CCBE1: variants seen among roughly 807,000 people sequenced by gnomAD.
CCBE1 encodes the protein collagen and calcium-binding EGF domain-containing protein 1.
A neutral mutation model predicts 50.0 loss-of-function variants in CCBE1; 37 were observed. The ratio of observed to expected loss-of-function variants is 0.74; its 90% CI spans 0.57 to 0.97. CCBE1 has a LOEUF of 0.97. Ranked by LOEUF, CCBE1 falls within the 50% of genes least tolerant of loss-of-function variation. The probability of loss-of-function intolerance (pLI) is 0.00; values close to 1 mark genes in which losing one functional copy is unlikely to be tolerated. For synonymous variants in CCBE1, 234 were observed against 203.7 expected (o/e 1.15, Z -1.27); for missense variants, 538 against 523.8 (o/e 1.03, Z -0.26).
At chr18:59,576,728 T>C (rs1202285364) in intron 2 of CCBE1, among the ~76,000 whole-genome samples, 1 of 152,200 alleles carries the variant, frequency 6.6e-6, no homozygotes, top group Non-Finnish European at 1.5e-5. Context: ...CCTCCAATGC[T>C]TCTGTCTTGG....
intron 2 of CCBE1, among the ~76,000 whole-genome samples, chr18:59,636,068 G>T (rs1004823199): frequency 1.3e-5 from 2 of 151,936 alleles, no homozygotes; most frequent in Admixed American, 1.3e-4. Context: ...GAGGAGAATC[G>T]TTTGAGCCCA....
intron 2 of CCBE1, among the ~76,000 whole-genome samples, chr18:59,527,243 T>A (rs971747426): frequency 1.3e-5 from 2 of 152,226 alleles, no homozygotes; most frequent in Non-Finnish European, 2.9e-5. Flanking sequence ...CCCTTTACCA[T>A]TATGTAATGC....
intron 2 of CCBE1, among the ~76,000 whole-genome samples, chr18:59,613,714 C>T (rs994274463): frequency 2.6e-5 from 4 of 151,596 alleles, no homozygotes; most frequent in African/African-American, 7.3e-5. Context: ...GCCTGGGCAA[C>T]ATAGTGAGAC....
At chr18:59,502,463 A>AAGCTAT (rs1555684568) in intron 2 of CCBE1, among the ~76,000 whole-genome samples, 3 of 151,224 alleles carry the variant, frequency 2.0e-5, no homozygotes, top group Non-Finnish European at 4.4e-5. Context: ...AGGGAGGAAC[A>AAGCTAT]GGTATCCATT....
Position 59,448,095 on chromosome 18 carries a change from C to A in CCBE1, c.663G>T (p.Leu221=). ...CCAGGTCAGCTGCATTGTTGGGGAG[C>A]AGAGCAATCTGCAAGGAGAAGAGGA... ...TVLQLKQKIA[L]LPNNAADLGK... is the part of the protein sequence containing the mutation. The change falls in exon 7 of 11, where the codon CTG becomes CTT. Residue 221 remains leucine, a synonymous_variant. Coordinates refer to ENST00000439986, the MANE Select transcript of CCBE1 (RefSeq NM_133459.4). 1 of 1,613,826 alleles carries A rather than the reference C, an allele frequency of 6.2e-7. No homozygotes were observed. The highest frequency in any genetic ancestry group is 8.5e-7 in the Non-Finnish European group (1 of 1,180,010).
chr18:59,642,948 CAAAA>C (rs10683687), intron 2 of CCBE1, among the ~76,000 whole-genome samples: 3 of 94,192 alleles, frequency 3.2e-5, no homozygotes, highest in African/African-American at 8.3e-5. Flanking sequence ...GACTCCACCT[CAAAA>C]AAAAAAAAAA....
intron 2 of CCBE1, among the ~76,000 whole-genome samples, chr18:59,617,130 T>C (rs1408828244): frequency 3.3e-5 from 5 of 152,142 alleles, no homozygotes; most frequent in Non-Finnish European, 7.3e-5. Flanking sequence ...ACTATACCAG[T>C]GTACAGTACA....
Position 59,438,161 on chromosome 18 carries a change from GC to G in CCBE1, c.952-16del. On this transcript the variant is annotated splice_polypyrimidine_tract_variant and intron_variant, in intron 9 of 10. Transcript: ENST00000439986. The stretch of plus-strand genomic sequence containing the variant: ...CCTCTCTCCCCCTAAAAACAGAAAG[GC>G]CAGGGTTAGCTTTCTAGAGCACATG... The G allele has an allele frequency of 6.2e-7, 1 of 1,613,802 alleles. No individual in the cohort carries two copies.
chr18:59,531,601 A>T (rs887679179), intron 2 of CCBE1, among the ~76,000 whole-genome samples: 2 of 152,206 alleles, frequency 1.3e-5, no homozygotes, highest in African/African-American at 4.8e-5. Context: ...TTTAAAAATT[A>T]GCTTGGCATG....
chr18:59,448,165 T>C, intron 6 of CCBE1, 62 bp from the exon 7 acceptor site: 1 of 1,607,912 alleles, frequency 6.2e-7, no homozygotes, highest in Non-Finnish European at 8.5e-7. Context: ...TCGGCATTTG[T>C]CTTGGTGGGA....
At chr18:59,692,920 AAC>A (rs1318864038) in intron 2 of CCBE1, among the ~76,000 whole-genome samples, 4 of 150,978 alleles carry the variant, frequency 2.6e-5, no homozygotes, top group African/African-American at 4.9e-5. Flanking sequence ...AAAAGCATTT[AAC>A]ACACAGTTAA....
In CCBE1 at chr18:59,469,586, G is replaced by A. The variant is rs149792489; in HGVS notation, c.287C>T (p.Ala96Val). ...IPEDYDVCAE[A>V]PCEQQCTDNF... ...GTCCGTGCACTGCTGTTCACAGGGAGCCTCGGCACAAACGTCGTAATCTGA... is the reference window on the plus strand; with the variant it reads ...GTCCGTGCACTGCTGTTCACAGGGAACCTCGGCACAAACGTCGTAATCTGA... The change falls in exon 4 of 11, where the codon GCT (alanine) becomes GTT (valine). Residue 96 changes from alanine (A) to valine (V), a missense_variant. Coordinates refer to ENST00000439986, the MANE Select transcript of CCBE1 (RefSeq NM_133459.4). 6.2e-7 allele frequency: 1 copy of A among 1,614,168 alleles called. No homozygotes were observed. Among genetic ancestry groups the A allele is most frequent in the African/African-American group, 1.3e-5 (1 of 75,050 alleles).
intron 3 of CCBE1, among the ~76,000 whole-genome samples, chr18:59,479,214 C>T (rs557829976): frequency 1.3e-5 from 2 of 152,318 alleles, no homozygotes; most frequent in South Asian, 4.1e-4. Flanking sequence ...ACCTCATGCC[C>T]TTCAAACAAA....
rs1364853075 is a variant in CCBE1 at position 59,434,266 on chromosome 18, A to C, written c.*1642T>G. The C allele has an allele frequency of 6.6e-6, 1 of 152,272 alleles. No homozygotes were observed. The highest frequency in any genetic ancestry group is 2.4e-5 in the African/African-American group (1 of 41,458). 9.4% of individuals were successfully genotyped at this position (152,272 alleles called of 1,614,324 possible). ...GCTAAAAGGTGGAGGCAAAAAAGCCAAAAAGAAATGGGAAAGGACATGGCA... is the reference window on the plus strand; with the variant it reads ...GCTAAAAGGTGGAGGCAAAAAAGCCCAAAAGAAATGGGAAAGGACATGGCA... On this transcript the variant is annotated 3_prime_UTR_variant, in exon 11 of 11. Coordinates refer to ENST00000439986, the MANE Select transcript of CCBE1 (RefSeq NM_133459.4).
chr18:59,491,696 C>T (rs1913104188), intron 2 of CCBE1, among the ~76,000 whole-genome samples: 1 of 151,760 alleles, frequency 6.6e-6, no homozygotes, highest in Admixed American at 6.6e-5. Flanking sequence ...TGCCTGTAGT[C>T]CCAGCTACTC....
intron 2 of CCBE1, among the ~76,000 whole-genome samples, chr18:59,590,032 ATT>A (rs762617286): frequency 1.8e-4 from 28 of 152,204 alleles, no homozygotes; most frequent in Non-Finnish European, 3.5e-4. Flanking sequence ...TGGATATGTA[ATT>A]AATCCTAAAG....
chr18:59,586,284 A>G (rs1417388326), intron 2 of CCBE1, among the ~76,000 whole-genome samples: 1 of 152,226 alleles, frequency 6.6e-6, no homozygotes, highest in African/African-American at 2.4e-5. Flanking sequence ...TTCCATTTCA[A>G]CCACAGGGAG....
chr18:59,444,226 T>C (rs1910573035), intron 7 of CCBE1, among the ~76,000 whole-genome samples: 1 of 151,206 alleles, frequency 6.6e-6, no homozygotes, highest in South Asian at 2.1e-4. Context: ...GCTATGAAGA[T>C]GCGTGTGTGA....
rs149951856 is a variant in CCBE1 at position 59,441,281 on chromosome 18, G to A, written c.776-1465C>T. Among the ~76,000 whole-genome samples, 1,040 of 152,228 alleles carry A rather than the reference G, an allele frequency of 6.8e-3. 8 individuals are homozygous for A. The highest frequency in any genetic ancestry group is 8.1e-3 in the Non-Finnish European group (552 of 68,014). ...TCCCAGCACTTTGGGAGGTTGAGGC[G>A]GGTGGATCACCTGAGGTCAGGAGTT... On this transcript the variant is annotated intron_variant, in intron 7 of 10. Transcript: ENST00000439986.
Sources: gnomAD v4.1 joint callset for allele counts (sites outside exome capture counted in the v4.1 genomes callset) on GRCh38, gnomAD v4.1.1 for gene constraint, MANE v1.5 for transcripts, NCBI Gene and HGNC (gene_info 2026-07-23, HGNC 2026-07-21) for gene names.